MAF: variants seen among roughly 807,000 people sequenced by gnomAD.
MAF encodes the protein transcription factor Maf.
MAF carries 10 observed loss-of-function variants against 22.0 expected under a neutral mutation model. The ratio of observed to expected loss-of-function variants is 0.45; its 90% CI spans 0.28 to 0.77. The LOEUF (loss-of-function observed/expected upper bound fraction) is 0.77, where lower values mean the gene tolerates loss of function less well. Ranked by LOEUF, MAF falls within the 30% of genes least tolerant of loss-of-function variation. The pLI, the probability that MAF is intolerant of heterozygous loss-of-function variation, is 0.12. For synonymous variants in MAF, 337 were observed against 255.8 expected, an observed-to-expected ratio of 1.32 and a Z score of -3.03; for missense variants, 544 against 548.4, an observed-to-expected ratio of 0.99 and a Z score of 0.08.
the MAF span, among the ~76,000 whole-genome samples, chr16:79,230,288 G>C: frequency 6.7e-4 from 102 of 152,218 alleles, 1 homozygote; most frequent in African/African-American, 2.4e-3. Flanking sequence ...GCTAAGGCAG[G>C]CTGCTTCTGT....
At chr16:79,548,878 C>G in the MAF span, among the ~76,000 whole-genome samples, 1 of 152,140 alleles carries the variant, frequency 6.6e-6, no homozygotes, top group Non-Finnish European at 1.5e-5. Flanking sequence ...GCCTCTGCTC[C>G]TTAAGCCTCT....
chr16:79,289,434 G>T, the MAF span, among the ~76,000 whole-genome samples: 1 of 152,164 alleles, frequency 6.6e-6, no homozygotes, highest in East Asian at 1.9e-4. Flanking sequence ...TCACCTGGGG[G>T]ACTGTTTGGC....
At chr16:79,261,342 C>G in the MAF span, among the ~76,000 whole-genome samples, 1 of 104,006 alleles carries the variant, frequency 9.6e-6, no homozygotes, top group Non-Finnish European at 2.5e-5. Context: ...TACTAGAGAC[C>G]GGGTTTCACC....
chr16:79,484,373 G>A, the MAF span, among the ~76,000 whole-genome samples: 3 of 152,308 alleles, frequency 2.0e-5, no homozygotes, highest in South Asian at 4.1e-4. Context: ...AAGTGACCCA[G>A]GCCATGGTGG....
chr16:79,252,774 G>C, the MAF span, among the ~76,000 whole-genome samples: 2 of 152,182 alleles, frequency 1.3e-5, no homozygotes, highest in Non-Finnish European at 2.9e-5. Flanking sequence ...ACAGGTGTGA[G>C]TCACCGTGCC....
chr16:79,400,834 G>A, the MAF span, among the ~76,000 whole-genome samples: 12 of 152,350 alleles, frequency 7.9e-5, no homozygotes, highest in African/African-American at 2.9e-4. Context: ...TTTGTTATTG[G>A]GAATGAATGT....
chr16:79,388,794 A>G, the MAF span, among the ~76,000 whole-genome samples: 41 of 152,318 alleles, frequency 2.7e-4, no homozygotes, highest in Admixed American at 2.2e-3. Flanking sequence ...TTTTTTATAT[A>G]TGTTCTCCTG....
At chr16:79,309,349 G>T in the MAF span, among the ~76,000 whole-genome samples, 1 of 152,116 alleles carries the variant, frequency 6.6e-6, no homozygotes, top group Admixed American at 6.5e-5. Context: ...TTACCATTTT[G>T]TCGGGTTTGC....
At chr16:79,355,204 G>T in the MAF span, among the ~76,000 whole-genome samples, 18 of 152,308 alleles carry the variant, frequency 1.2e-4, no homozygotes, top group South Asian at 2.9e-3. Context: ...TATCTCCCCA[G>T]TGTTTCACAA....
chr16:79,465,303 T>C, the MAF span, among the ~76,000 whole-genome samples: 1 of 152,120 alleles, frequency 6.6e-6, no homozygotes, highest in Non-Finnish European at 1.5e-5. Flanking sequence ...CTTAAAAACA[T>C]ATTTAAGGGC....
At chr16:79,224,519 A>T in the MAF span, among the ~76,000 whole-genome samples, 1 of 152,212 alleles carries the variant, frequency 6.6e-6, no homozygotes, top group African/African-American at 2.4e-5. Context: ...GGACAATCAG[A>T]CAAGAGAAAG....
chr16:79,598,649 G>A (rs546626540), intron 1 of MAF, 136 bp downstream of exon 1: 1 of 1,531,936 alleles, frequency 6.5e-7, no homozygotes, highest in African/African-American at 1.4e-5. Flanking sequence ...AGGGGGCCAA[G>A]GGGGCCAAAC....
the MAF span, among the ~76,000 whole-genome samples, chr16:79,509,984 T>C: frequency 1.3e-5 from 2 of 152,180 alleles, no homozygotes. Flanking sequence ...GAGTTTGCCG[T>C]AGGAAGCAGG....
the MAF span, among the ~76,000 whole-genome samples, chr16:79,563,054 T>C: frequency 6.6e-6 from 1 of 152,198 alleles, no homozygotes; most frequent in Non-Finnish European, 1.5e-5. Flanking sequence ...GTGTTACATC[T>C]AGGCTTGCAC....
At chr16:79,209,467 C>G in the MAF span, among the ~76,000 whole-genome samples, 3,695 of 152,300 alleles carry the variant, frequency 0.024, 46 homozygotes, top group East Asian at 0.039. Context: ...AAAGGCCAGT[C>G]TGTCATGACG....
At chr16:79,368,648 C>T in the MAF span, among the ~76,000 whole-genome samples, 1 of 152,134 alleles carries the variant, frequency 6.6e-6, no homozygotes, top group Admixed American at 6.5e-5. Flanking sequence ...TGCTCTTTTG[C>T]TTCAACTTCA....
the MAF span, among the ~76,000 whole-genome samples, chr16:79,262,289 G>A: frequency 2.0e-5 from 3 of 152,108 alleles, no homozygotes; most frequent in Admixed American, 6.6e-5. Flanking sequence ...GGGCTCTTTC[G>A]AATTCTAAAA....
chr16:79,347,151 A>G, the MAF span, among the ~76,000 whole-genome samples: 11 of 152,326 alleles, frequency 7.2e-5, no homozygotes, highest in African/African-American at 2.6e-4. Context: ...TTCATTTGCT[A>G]AAATCTGTGC....
At chr16:79,489,794 C>G in the MAF span, among the ~76,000 whole-genome samples, 1 of 152,110 alleles carries the variant, frequency 6.6e-6, no homozygotes, top group African/African-American at 2.4e-5. Flanking sequence ...TGGTAGGAGA[C>G]AGAGGGCCAG....
Sources: allele counts gnomAD v4.1 joint callset (sites outside exome capture counted in the v4.1 genomes callset), GRCh38; gene constraint gnomAD v4.1.1; transcripts MANE v1.5; gene names NCBI Gene and HGNC (gene_info 2026-07-23, HGNC 2026-07-21).